Variants in CDH19 observed in about 807,000 individuals in gnomAD.
CDH19 encodes the protein cadherin 19.
In CDH19, 67 loss-of-function variants were observed where a neutral mutation model predicts 64.2. That is an observed-to-expected ratio of 1.04 (90% CI 0.86 to 1.28). The LOEUF is 1.28. CDH19 is among the 50% of genes most tolerant of loss of function. The pLI is 0.00. For synonymous variants in CDH19, 346 were observed against 319.3 expected, an observed-to-expected ratio of 1.08 and a Z score of -0.89; for missense variants, 1,030 against 929.0, an observed-to-expected ratio of 1.11 and a Z score of -1.41.
chr18:66,524,896 T>C (rs973320272), intron 9 of CDH19, among the ~76,000 whole-genome samples: 6 of 152,118 alleles, frequency 3.9e-5, no homozygotes, highest in African/African-American at 1.4e-4. Flanking sequence ...CCTTTCTCTT[T>C]ACTATCATTT....
intron 3 of CDH19, among the ~76,000 whole-genome samples, chr18:66,567,582 A>G (rs558046733): frequency 6.6e-6 from 1 of 151,974 alleles, no homozygotes; most frequent in African/African-American, 2.4e-5. Context: ...GAATCAGAAA[A>G]TTATATGATG....
At chr18:66,506,562 A>T (rs2144330033) in intron 11 of CDH19, among the ~76,000 whole-genome samples, 1 of 152,168 alleles carries the variant, frequency 6.6e-6, no homozygotes, top group African/African-American at 2.4e-5. Flanking sequence ...TTTGAATCAT[A>T]ACACATTTGT....
At chr18:66,588,154 C>T (rs912628528) in intron 1 of CDH19, among the ~76,000 whole-genome samples, 44 of 152,142 alleles carry the variant, frequency 2.9e-4, no homozygotes, top group Middle Eastern at 3.4e-3. Flanking sequence ...CAAAGCTGTG[C>T]ACATCACGCT....
intron 5 of CDH19, among the ~76,000 whole-genome samples, chr18:66,546,740 G>A (rs1321603264): frequency 6.6e-6 from 1 of 152,118 alleles, no homozygotes; most frequent in Non-Finnish European, 1.5e-5. Context: ...ATTCACTGTA[G>A]ATGTGACTTT....
chr18:66,544,808 T>C lies in CDH19; in HGVS notation c.871A>G (p.Met291Val). ...YDNDIGENAE[M>V]DYSIEEDDSQ... ...TCATCCTCTTCAATGCTGTAATCCA[T>C]TTCTGCATTCTCTCCTATGTCATTA... The change falls in exon 6 of 12, where the codon ATG (methionine) becomes GTG (valine). Residue 291 changes from methionine to valine, a missense_variant. Physicochemically the swap from Met to Val is conservative, Grantham distance 21. Transcript: ENST00000262150. 6.2e-7 allele frequency: 1 copy of C among 1,612,676 alleles called. No homozygotes were observed. The highest frequency in any genetic ancestry group is 1.7e-5 in the Admixed American group (1 of 60,018).
intron 9 of CDH19, among the ~76,000 whole-genome samples, chr18:66,521,502 C>CTTTATTTA (rs138571911): frequency 2.1e-5 from 3 of 143,772 alleles, no homozygotes; most frequent in Admixed American, 1.4e-4. Flanking sequence ...TATCTCTGGC[C>CTTTATTTA]TTTATTTATT....
Position 66,554,411 on chromosome 18 carries a change from T to C in CDH19, c.604A>G (p.Thr202Ala), listed in dbSNP as rs1176082323. The C allele has an allele frequency of 1.2e-6, 2 of 1,611,300 alleles. No homozygotes were observed. The highest frequency in any genetic ancestry group is 8.5e-7 in the Non-Finnish European group (1 of 1,178,350). The change falls in exon 4 of 12, where the codon ACA becomes GCA. Residue 202 changes from threonine (T) to alanine (A), a missense_variant. By Grantham distance (58) the Thr-to-Ala change is moderately conservative (BLOSUM62 0). Transcript: ENST00000262150. ...QGQPYFSVEPTTGVIRISSKM... is the reference protein window; with the variant it reads ...QGQPYFSVEPATGVIRISSKM... ...TTGTTTCATTCACAAATACCTGTTG[T>C]TGGTTCAACAGAAAAATATGGCTGG...
At chr18:66,538,323 T>A (rs1038553430) in intron 7 of CDH19, among the ~76,000 whole-genome samples, 1 of 152,094 alleles carries the variant, frequency 6.6e-6, no homozygotes, top group Non-Finnish European at 1.5e-5. Flanking sequence ...AAAGTCCTAT[T>A]TGATTTTTTT....
rs115031132 is a variant in CDH19 at position 66,523,273 on chromosome 18, T to G, written c.1458+6572A>C. On this transcript the variant is annotated intron_variant, in intron 9 of 11. Coordinates refer to ENST00000262150, the MANE Select transcript of CDH19 (RefSeq NM_021153.4). ...CCACATGATCATTTGAAACGAGGAA[T>G]TCTAATAGAATTCTAAGCTATAATA... Among the ~76,000 whole-genome samples, 876 of 152,216 alleles carry G rather than the reference T, an allele frequency of 5.8e-3. 9 individuals carry two copies. Among genetic ancestry groups the G allele is most frequent in the African/African-American group, 0.02 (820 of 41,538 alleles).
intron 1 of CDH19, among the ~76,000 whole-genome samples, chr18:66,593,616 A>T (rs9949214): frequency 0.14 from 22,017 of 152,074 alleles, 1,718 homozygotes; most frequent in East Asian, 0.25. Flanking sequence ...GATGAACACA[A>T]AAATATATAT....
intron 8 of CDH19, among the ~76,000 whole-genome samples, chr18:66,532,048 C>A (rs1336764047): frequency 9.2e-5 from 14 of 152,058 alleles, no homozygotes; most frequent in African/African-American, 2.4e-4. Context: ...CTCACTGCAA[C>A]CTCCACCTCC....
chr18:66,583,512 G>C (rs931767027), intron 1 of CDH19, among the ~76,000 whole-genome samples: 1 of 151,838 alleles, frequency 6.6e-6, no homozygotes, highest in African/African-American at 2.4e-5. Flanking sequence ...CCTCAGGTAG[G>C]GCCCAGTGTC....
chr18:66,524,569 T>TATATATA (rs1276593665), intron 9 of CDH19, among the ~76,000 whole-genome samples: 1 of 135,164 alleles, frequency 7.4e-6, no homozygotes, highest in South Asian at 2.5e-4. Context: ...TATATATATA[T>TATATATA]AAACATCATC....
At chr18:66,580,083 TCAA>T (rs1330418733) in intron 1 of CDH19, among the ~76,000 whole-genome samples, 1 of 151,916 alleles carries the variant, frequency 6.6e-6, no homozygotes, top group African/African-American at 2.4e-5. Context: ...ACGTATTAAA[TCAA>T]CAACAAAAAT....
chr18:66,523,213 C>A (rs1232225600), intron 9 of CDH19, among the ~76,000 whole-genome samples: 2 of 152,090 alleles, frequency 1.3e-5, no homozygotes, highest in Non-Finnish European at 2.9e-5. Flanking sequence ...AAAGGCCTGG[C>A]TCGGTATCAG....
chr18:66,543,547 A>C (rs1004950551), intron 7 of CDH19, among the ~76,000 whole-genome samples: 5 of 152,134 alleles, frequency 3.3e-5, no homozygotes, highest in Admixed American at 1.3e-4. Context: ...GTTACAAATT[A>C]ATTAAGACAT....
At chr18:66,534,573 T>C (rs1986584537) in intron 8 of CDH19, among the ~76,000 whole-genome samples, 1 of 152,012 alleles carries the variant, frequency 6.6e-6, no homozygotes, top group Non-Finnish European at 1.5e-5. Context: ...TTATATTGTG[T>C]TATATTTATT....
Position 66,564,816 on chromosome 18 carries a change from G to A in CDH19, c.490+3600C>T, listed in dbSNP as rs575982194. On this transcript the variant is annotated intron_variant, in intron 3 of 11. Coordinates refer to ENST00000262150, the MANE Select transcript of CDH19 (RefSeq NM_021153.4). ...AGATAAGTTACCCGACTCTGCTTTG[G>A]TTTAATTGCTTATTAAGTAGTATAC... Among the ~76,000 whole-genome samples, 6 of 150,300 alleles carry A rather than the reference G, an allele frequency of 4.0e-5. No individual in the cohort carries two copies. In the South Asian group the frequency reaches 1.3e-3, roughly 32 times the overall value.
Position 66,568,550 on chromosome 18 carries a change from A to T in CDH19, c.356T>A (p.Val119Glu), listed in dbSNP as rs570335688. 1 of 1,612,302 alleles carries T rather than the reference A, an allele frequency of 6.2e-7. No individual in the cohort carries two copies. ...ERSLYILRAQ[V>E]IDIATGRAVE... ...AGCCCTTCCAGTAGCGATGTCTATT[A>T]CCTGGGCTCTTAAGATGTAGAGGGA... is the stretch of plus-strand genomic sequence containing the variant. The change falls in exon 3 of 12, where the codon GTA (valine) becomes GAA (glutamate). Residue 119 changes from valine (V) to glutamate (E), a missense_variant. Coordinates refer to ENST00000262150, the MANE Select transcript of CDH19 (RefSeq NM_021153.4).
Sources: gnomAD v4.1 joint callset for allele counts (sites outside exome capture counted in the v4.1 genomes callset) on GRCh38, gnomAD v4.1.1 for gene constraint, MANE v1.5 for transcripts, NCBI Gene and HGNC (gene_info 2026-07-23, HGNC 2026-07-21) for gene names.